Variants in PCSK2 observed in about 807,000 individuals in gnomAD.
PCSK2 encodes neuroendocrine convertase 2.
In PCSK2, 14 loss-of-function variants were observed where a neutral mutation model predicts 69.7. That is an observed-to-expected ratio of 0.20 (90% CI 0.13 to 0.31). PCSK2 has a LOEUF of 0.31. Ranked by LOEUF, PCSK2 falls within the 10% of genes least tolerant of loss-of-function variation. The probability of loss-of-function intolerance (pLI) is 1.00; values close to 1 mark genes in which losing one functional copy is unlikely to be tolerated. For synonymous variants in PCSK2, 307 were observed against 320.7 expected, an observed-to-expected ratio of 0.96 and a Z score of 0.46; for missense variants, 544 against 842.5, an observed-to-expected ratio of 0.65 and a Z score of 4.39.
At chr20:17,271,739 G>A (rs1435179764) in intron 2 of PCSK2, among the ~76,000 whole-genome samples, 3 of 152,078 alleles carry the variant, frequency 2.0e-5, no homozygotes, top group Non-Finnish European at 2.9e-5. Context: ...TTGAAGAAAA[G>A]TAGCAACTAC....
intron 4 of PCSK2, among the ~76,000 whole-genome samples, chr20:17,362,154 G>A (rs2123216925): frequency 6.6e-6 from 1 of 152,326 alleles, no homozygotes; most frequent in East Asian, 1.9e-4. Context: ...CTCTTTGACT[G>A]ACTCCTAAAG....
chr20:17,469,664 C>G (rs189601809), intron 11 of PCSK2, among the ~76,000 whole-genome samples: 2 of 152,262 alleles, frequency 1.3e-5, no homozygotes, highest in East Asian at 3.9e-4. Flanking sequence ...AATCAGCTCC[C>G]GTGCATACAG....
At chr20:17,239,913 G>A (rs1402038387) in intron 1 of PCSK2, among the ~76,000 whole-genome samples, 1 of 132,268 alleles carries the variant, frequency 7.6e-6, no homozygotes, top group African/African-American at 2.9e-5. Flanking sequence ...GAGTGCAATG[G>A]CGCGATCTCA....
chr20:17,330,107 G>C (rs1010530473), intron 2 of PCSK2, among the ~76,000 whole-genome samples: 5 of 152,138 alleles, frequency 3.3e-5, no homozygotes, highest in Admixed American at 6.5e-5. Flanking sequence ...AAATTATAAT[G>C]AGATATTTTA....
chr20:17,316,479 C>A (rs987463659), intron 2 of PCSK2, among the ~76,000 whole-genome samples: 4 of 152,188 alleles, frequency 2.6e-5, no homozygotes, highest in African/African-American at 9.7e-5. Context: ...TTGTTTCCTT[C>A]CCTTCCCTGT....
chr20:17,282,958 C>T (rs1019336819), intron 2 of PCSK2, among the ~76,000 whole-genome samples: 1 of 151,988 alleles, frequency 6.6e-6, no homozygotes, highest in Non-Finnish European at 1.5e-5. Flanking sequence ...TTGTTCATGG[C>T]CTTGTATAAA....
At position 17,360,609 on chromosome 20, in the gene PCSK2, G is replaced by A; in HGVS notation, c.474G>A (p.Gly158=). The part of the protein sequence containing the change: ...VAEAWELGYT[G]KGVTIGIMDD... ...AAGCCTGGGAGCTGGGATACACAGG[G>A]AAAGGTGTTACCATTGGAATTATGG... is the stretch of plus-strand genomic sequence containing the variant. The change falls in exon 4 of 12, where the codon GGG becomes GGA. Residue 158 remains glycine (G), a synonymous_variant. Transcript: ENST00000262545. The A allele has an allele frequency of 6.2e-7, 1 of 1,610,568 alleles. No homozygotes were observed. Among genetic ancestry groups the A allele is most frequent in the South Asian group, 1.1e-5 (1 of 90,842 alleles).
chr20:17,317,890 T>C (rs1244938782), intron 2 of PCSK2, among the ~76,000 whole-genome samples: 1 of 152,202 alleles, frequency 6.6e-6, no homozygotes, highest in Non-Finnish European at 1.5e-5. Context: ...ATGGAATGGC[T>C]GGAAAGATTA....
chr20:17,411,764 G>A (rs1468225012), intron 6 of PCSK2, among the ~76,000 whole-genome samples: 1 of 152,240 alleles, frequency 6.6e-6, no homozygotes, highest in Non-Finnish European at 1.5e-5. Flanking sequence ...CCTCCCAGTA[G>A]GGGCCAACAG....
intron 4 of PCSK2, among the ~76,000 whole-genome samples, chr20:17,363,449 A>G (rs1429009755): frequency 2.6e-5 from 4 of 152,238 alleles, no homozygotes; most frequent in Non-Finnish European, 5.9e-5. Context: ...ACCTATGTAG[A>G]TATTAGCAAG....
chr20:17,270,514 C>A (rs906482280), intron 2 of PCSK2, among the ~76,000 whole-genome samples: 9 of 152,198 alleles, frequency 5.9e-5, no homozygotes, highest in Middle Eastern at 3.4e-3. Flanking sequence ...AATTGGTTTG[C>A]CATTATCTGT....
intron 2 of PCSK2, among the ~76,000 whole-genome samples, chr20:17,315,701 A>G (rs751353575): frequency 8.5e-5 from 13 of 152,222 alleles, no homozygotes; most frequent in Non-Finnish European, 1.8e-4. Flanking sequence ...TTCTCTAGGC[A>G]GTGATTAAGT....
At chr20:17,367,201 G>A (rs527243283) in intron 4 of PCSK2, among the ~76,000 whole-genome samples, 126 of 152,116 alleles carry the variant, frequency 8.3e-4, no homozygotes, top group Non-Finnish European at 1.5e-3. Context: ...ACAAATAGAA[G>A]CAATTTAATT....
chr20:17,320,355 C>T (rs922948133), intron 2 of PCSK2, among the ~76,000 whole-genome samples: 2 of 152,218 alleles, frequency 1.3e-5, no homozygotes, highest in Non-Finnish European at 2.9e-5. Flanking sequence ...GACACATCCT[C>T]CTGGAATCAG....
At chr20:17,479,021 A>G (rs2033341978) in intron 11 of PCSK2, 1 of 941,106 alleles carries the variant, frequency 1.1e-6, no homozygotes. Context: ...ATAAATAACT[A>G]TTTTTGAAAG....
intron 2 of PCSK2, among the ~76,000 whole-genome samples, chr20:17,318,111 C>T (rs936376562): frequency 2.0e-5 from 3 of 152,184 alleles, no homozygotes; most frequent in African/African-American, 2.4e-5. Context: ...TAAGATCTGC[C>T]ATGCAGGTTA....
At chr20:17,277,301 C>T (rs1988121009) in intron 2 of PCSK2, among the ~76,000 whole-genome samples, 1 of 152,152 alleles carries the variant, frequency 6.6e-6, no homozygotes. Context: ...AGGCATCACG[C>T]TACCTGACTT....
intron 8 of PCSK2, among the ~76,000 whole-genome samples, chr20:17,450,163 G>T (rs2032795326): frequency 6.6e-6 from 1 of 151,538 alleles, no homozygotes; most frequent in Non-Finnish European, 1.5e-5. Flanking sequence ...CGAGTAGCTG[G>T]GACTACAGGC....
At chr20:17,341,400 G>T (rs1990507126) in intron 2 of PCSK2, among the ~76,000 whole-genome samples, 1 of 152,154 alleles carries the variant, frequency 6.6e-6, no homozygotes. Context: ...GTGATTTATA[G>T]CTCCCGAAGT....
Sources: gnomAD v4.1 joint callset for allele counts (sites outside exome capture counted in the v4.1 genomes callset) on GRCh38, gnomAD v4.1.1 for gene constraint, MANE v1.5 for transcripts, NCBI Gene and HGNC (gene_info 2026-07-23, HGNC 2026-07-21) for gene names.